The following PATZ1 variants were observed in gnomAD, a reference collection of about 807,000 sequenced individuals.
PATZ1 encodes POZ-, AT hook-, and zinc finger-containing protein 1.
Under a neutral mutation model 46.2 loss-of-function variants are expected in PATZ1, and 9 were observed. That is an observed-to-expected ratio of 0.19 (90% CI 0.12 to 0.34). The LOEUF is 0.34. Ranked by LOEUF, PATZ1 falls within the 10% of genes least tolerant of loss-of-function variation. The pLI is 1.00. For synonymous variants in PATZ1, 426 were observed against 378.6 expected (o/e 1.13, Z -1.45); for missense variants, 632 against 923.0 (o/e 0.68, Z 4.08).
chr22:31,345,137 T>G lies in PATZ1; in HGVS notation c.466A>C (p.Ile156Leu), dbSNP rs1237262395. 6.2e-7 allele frequency: 1 copy of G among 1,614,042 alleles called. No homozygotes were observed. The highest frequency in any genetic ancestry group is 8.5e-7 in the Non-Finnish European group (1 of 1,180,024). The change falls in exon 1 of 5, where the codon ATC becomes CTC. Residue 156 changes from isoleucine to leucine, a missense_variant. Transcript: ENST00000266269. The surrounding 1 kb of genome is among the most constrained non-coding windows in gnomAD (Gnocchi z 7.4). ...RSVIEICQEV[I>L]KQSNVQILVP... is the part of the protein sequence containing the mutation. ...AGGATCTGTACGTTGGACTGTTTGATGACTTCCTGGCAGATCTCGATAACC... is the reference window on the plus strand; with the variant it reads ...AGGATCTGTACGTTGGACTGTTTGAGGACTTCCTGGCAGATCTCGATAACC...
intron 2 of PATZ1, chr22:31,341,087 T>C: frequency 9.0e-7 from 1 of 1,108,322 alleles, no homozygotes; most frequent in Non-Finnish European, 1.1e-6. Context: ...GCAGATAAGC[T>C]GGTGGCTAGT....
rs1047522990 is a variant in PATZ1, at chr22:31,325,905, T to A, written c.*986A>T. On this transcript the variant is annotated 3_prime_UTR_variant, in exon 5 of 5. Transcript: ENST00000266269. ...CATGTGACACAACTGAGGTACACAATGTCCCTACCTGCCGGCTGTCCCACC... is the reference window on the plus strand; with the variant it reads ...CATGTGACACAACTGAGGTACACAAAGTCCCTACCTGCCGGCTGTCCCACC... 4.7e-6 allele frequency: 1 copy of A among 211,530 alleles called. No homozygotes were observed. The highest frequency in any genetic ancestry group is 2.3e-5 in the African/African-American group (1 of 44,046). The allele number at this position is 211,530 out of a possible 1,614,324, so 13.1% of individuals were successfully genotyped here. A position where few individuals can be genotyped will look rare whatever the true frequency, so the allele number is the denominator to read the frequency against.
intron 2 of PATZ1, among the ~76,000 whole-genome samples, chr22:31,337,317 T>G (rs1345538258): frequency 6.6e-6 from 1 of 152,082 alleles, no homozygotes; most frequent in Non-Finnish European, 1.5e-5. Flanking sequence ...AGCGTGGCTT[T>G]GGAAAGCTGT....
chr22:31,332,643 T>C (rs1237806395), intron 3 of PATZ1, among the ~76,000 whole-genome samples: 1 of 152,238 alleles, frequency 6.6e-6, no homozygotes, highest in Non-Finnish European at 1.5e-5. Context: ...GTCCAAACCC[T>C]GAAGGGGCCA....
At position 31,344,841 on chromosome 22, in the gene PATZ1, C is replaced by T. The variant is rs765831060; in HGVS notation, c.762G>A (p.Val254=). The T allele has an allele frequency of 1.2e-6, 2 of 1,612,456 alleles. No homozygotes were observed. The highest frequency in any genetic ancestry group is 2.2e-5 in the South Asian group (2 of 91,040). The part of the protein sequence containing the change: ...PQLLTSPFPS[V]ASSAPPLTGK... ...CAGTCAGGGGAGGGGCACTGGATGC[C>T]ACACTGGGGAATGGGGAAGTCAGCA... Residue 254 remains valine (V), a synonymous_variant, in exon 1 of 5, where the codon GTG becomes GTA. Transcript: ENST00000266269.
chr22:31,328,719 G>A lies in PATZ1; in HGVS notation c.1645+68C>T, dbSNP rs879637223. On this transcript the variant is annotated intron_variant, in intron 4 of 4. Transcript: ENST00000266269. The surrounding 1 kb of genome is among the most constrained non-coding windows in gnomAD (Gnocchi z 4.8). Reference sequence around the variant, plus strand: ...GCCGGCAGCCTTCCCGCCTCCCCACGCCCAGCCCAGCGCCCCCACAACACA... The same window carrying A: ...GCCGGCAGCCTTCCCGCCTCCCCACACCCAGCCCAGCGCCCCCACAACACA... 4.9e-5 allele frequency: 73 copies of A among 1,494,688 alleles called. 1 individual carries two copies. Among genetic ancestry groups the A allele is most frequent in the South Asian group, 5.7e-5 (5 of 88,310 alleles). 92.6% of individuals were successfully genotyped at this position (1,494,688 alleles called of 1,614,324 possible). A position where few individuals can be genotyped will look rare whatever the true frequency, so the allele number is the denominator to read the frequency against.
intron 2 of PATZ1, among the ~76,000 whole-genome samples, chr22:31,336,141 C>A (rs769490368): frequency 1.2e-4 from 18 of 152,126 alleles, no homozygotes; most frequent in Non-Finnish European, 1.9e-4. Context: ...AAGCTCTATA[C>A]CCCTCTACAC....
chr22:31,338,736 A>T (rs960140523), intron 2 of PATZ1, among the ~76,000 whole-genome samples: 1 of 152,202 alleles, frequency 6.6e-6, no homozygotes, highest in African/African-American at 2.4e-5. Context: ...AAAGGAACCA[A>T]CATGGATCAG....
At chr22:31,341,416 G>C in intron 2 of PATZ1, 1 of 1,550,290 alleles carries the variant, frequency 6.5e-7, no homozygotes, top group Non-Finnish European at 8.7e-7. Flanking sequence ...TAGCCAACAG[G>C]CCACTGGGTA....
Position 31,345,887 on chromosome 22 carries a change from C to T in PATZ1, c.-285G>A. 1 of 366,326 alleles carries T rather than the reference C, an allele frequency of 2.7e-6. No homozygotes were observed. The highest frequency in any genetic ancestry group is 4.9e-6 in the Non-Finnish European group (1 of 204,714). The allele number at this position is 366,326 out of a possible 1,614,324, so 22.7% of individuals were successfully genotyped here. ...CGCCTCCCCTTCCCGGTCTACCTTCCGGGGGGGTGCGCGAGCGAAGAGGTG... is the reference window on the plus strand; with the variant it reads ...CGCCTCCCCTTCCCGGTCTACCTTCTGGGGGGGTGCGCGAGCGAAGAGGTG... On this transcript the variant is annotated 5_prime_UTR_variant, in exon 1 of 5. Transcript: ENST00000266269. This position sits in a 1 kb window ranked among gnomAD's most constrained non-coding sequence, Gnocchi z 7.4.
In PATZ1 at chr22:31,344,363, T is replaced by G. The variant is rs1209377481; in HGVS notation, c.1240A>C (p.Ile414Leu). Residue 414 changes from isoleucine (I) to leucine (L), a missense_variant, in exon 1 of 5, where the codon ATC (isoleucine) becomes CTC (leucine). Around this residue, in one of 7 missense-constraint regions of PATZ1, gnomAD observed 55 missense variants for 169.0 expected, o/e 0.33. Transcript: ENST00000266269. Reference sequence around the variant, plus strand: ...AAGCCTTTCCCACAGCTCTGGCAGATGTAAGGCTTGCCCACGGACCCATCA... The same window carrying G: ...AAGCCTTTCCCACAGCTCTGGCAGAGGTAAGGCTTGCCCACGGACCCATCA... ...SHDGSVGKPYICQSCGKGFSR... is the reference protein window; with the variant it reads ...SHDGSVGKPYLCQSCGKGFSR... The G allele has an allele frequency of 6.2e-7, 1 of 1,612,980 alleles. No homozygotes were observed. Among genetic ancestry groups the G allele is most frequent in the Non-Finnish European group, 8.5e-7 (1 of 1,179,382 alleles).
At chr22:31,332,348 G>A (rs767594734) in intron 3 of PATZ1, among the ~76,000 whole-genome samples, 4 of 152,234 alleles carry the variant, frequency 2.6e-5, no homozygotes, top group Admixed American at 6.5e-5. Flanking sequence ...ATATTTAGCC[G>A]GAATTCTAAA....
chr22:31,343,168 G>C (rs887465459), intron 1 of PATZ1: 5 of 1,305,594 alleles, frequency 3.8e-6, no homozygotes, highest in African/African-American at 1.5e-5. Flanking sequence ...CTGGAGGGGG[G>C]AAGAGAAATG....
intron 1 of PATZ1, among the ~76,000 whole-genome samples, 190 bp downstream of exon 1, chr22:31,344,142 G>A (rs1399498206): frequency 6.6e-6 from 1 of 152,196 alleles, no homozygotes; most frequent in African/African-American, 2.4e-5. Context: ...AAACTTCCCT[G>A]AGGGAATGGA....
At position 31,328,774 on chromosome 22, in the gene PATZ1, A is replaced by C; in HGVS notation, c.1645+13T>G. The C allele has an allele frequency of 6.2e-7, 1 of 1,611,444 alleles. No homozygotes were observed. The highest frequency in any genetic ancestry group is 2.2e-5 in the East Asian group (1 of 44,852). ...GCGCAGAGAAGCAAAGTGCAGAGCA[A>C]GGGGTCGCTTGCCTTTGTTGCCATA... On this transcript the variant is annotated intron_variant, in intron 4 of 4. Transcript: ENST00000266269. This position sits in a 1 kb window ranked among gnomAD's most constrained non-coding sequence, Gnocchi z 4.8.
chr22:31,326,975 C>A lies in PATZ1; in HGVS notation c.1980G>T (p.Gly660=), dbSNP rs750543890. The A allele has an allele frequency of 4.3e-6, 7 of 1,614,182 alleles. No individual in the cohort carries two copies. In the South Asian group the frequency reaches 7.7e-5, roughly 18 times the overall value. The change falls in exon 5 of 5, where the codon GGG becomes GGT. Residue 660 remains glycine (G), a synonymous_variant. Transcript: ENST00000266269. The stretch of plus-strand genomic sequence containing the variant: ...CAAATGCCGACTGAACAATCTGAAA[C>A]CCAAAGGACTCGAGGAGAGACATGT... ...QQNMSLLESF[G]FQIVQSAFAS...
chr22:31,333,905 T>C (rs2049476517), intron 3 of PATZ1, among the ~76,000 whole-genome samples: 1 of 152,186 alleles, frequency 6.6e-6, no homozygotes, highest in Non-Finnish European at 1.5e-5. Flanking sequence ...TCAGTTTTTC[T>C]CTCCTCCTGA....
At chr22:31,343,050 ACACT>A (rs1161178881) in intron 1 of PATZ1, 90 bp from the exon 2 acceptor site, 15 of 1,577,440 alleles carry the variant, frequency 9.5e-6, no homozygotes, top group Non-Finnish European at 1.2e-5. Context: ...ACACACACAC[ACACT>A]CACTGCTGGA....
intron 1 of PATZ1, chr22:31,343,446 C>T: frequency 1.0e-6 from 1 of 986,772 alleles, no homozygotes; most frequent in Non-Finnish European, 1.2e-6. Flanking sequence ...AGCCTTAAGT[C>T]CCCAGCTGGG....
Sources: allele counts gnomAD v4.1 joint callset (sites outside exome capture counted in the v4.1 genomes callset), GRCh38; gene constraint gnomAD v4.1.1; regional missense constraint gnomAD v4.1.1; non-coding constraint Gnocchi (gnomAD v3.1); transcripts MANE v1.5; gene names NCBI Gene and HGNC (gene_info 2026-07-23, HGNC 2026-07-21).